The following CEP63 variants were observed in gnomAD, a reference collection of about 807,000 sequenced individuals.
CEP63 encodes centrosomal protein 63, also known as centrosomal protein of 63 kDa.
Under a neutral mutation model 89.1 loss-of-function variants are expected in CEP63, and 84 were observed. That is an observed-to-expected ratio of 0.94 (90% CI 0.79 to 1.13). The LOEUF (loss-of-function observed/expected upper bound fraction) is 1.13. Ranked by LOEUF, CEP63 falls within the 50% of genes most tolerant of loss-of-function variation. CEP63 has a pLI of 0.00. For missense variants in CEP63, 838 were observed against 813.3 expected (o/e 1.03, Z -0.37); for synonymous variants, 267 against 272.5 (o/e 0.98, Z 0.20).
At chr3:134,516,497 G>C (rs1946257910) in intron 3 of CEP63, among the ~76,000 whole-genome samples, 1 of 152,148 alleles carries the variant, frequency 6.6e-6, no homozygotes, top group Non-Finnish European at 1.5e-5. Flanking sequence ...TGTCGGGCTG[G>C]GGGACGGTCA....
chr3:134,685,050 G>A, the CEP63 span, among the ~76,000 whole-genome samples: 4 of 152,162 alleles, frequency 2.6e-5, no homozygotes, highest in Non-Finnish European at 4.4e-5. Context: ...TAGGCTGCAC[G>A]TGTTTCATAT....
At chr3:134,514,696 A>G (rs1945820667) in intron 3 of CEP63, among the ~76,000 whole-genome samples, 1 of 152,236 alleles carries the variant, frequency 6.6e-6, no homozygotes. Flanking sequence ...TATCCAGAAT[A>G]AAGGTAAAAT....
At chr3:134,628,036 TG>T in the CEP63 span, 4 of 593,786 alleles carry the variant, frequency 6.7e-6, no homozygotes, top group African/African-American at 7.4e-5. Flanking sequence ...AGGAAGTGGC[TG>T]ACAAGAAAGG....
At chr3:134,633,978 G>A in the CEP63 span, among the ~76,000 whole-genome samples, 1 of 152,060 alleles carries the variant, frequency 6.6e-6, no homozygotes. Context: ...AATTGGAGAT[G>A]GCATTTAAAA....
At chr3:134,522,366 G>A (rs904868080) in intron 3 of CEP63, among the ~76,000 whole-genome samples, 12 of 152,190 alleles carry the variant, frequency 7.9e-5, no homozygotes, top group African/African-American at 2.9e-4. Flanking sequence ...TCTTCTGGAT[G>A]TGGGTTCACA....
the CEP63 span, among the ~76,000 whole-genome samples, chr3:134,593,479 G>T: frequency 6.6e-6 from 1 of 152,108 alleles, no homozygotes; most frequent in East Asian, 1.9e-4. Context: ...GCAGAACTGG[G>T]GTTAGGAATC....
intron 2 of CEP63, among the ~76,000 whole-genome samples, chr3:134,504,112 T>C (rs1473787840): frequency 1.4e-5 from 2 of 143,810 alleles, no homozygotes; most frequent in African/African-American, 5.4e-5. Context: ...GGTCTCTCTC[T>C]CTTTTTTTTT....
chr3:134,659,816 G>A, the CEP63 span, among the ~76,000 whole-genome samples: 1 of 152,220 alleles, frequency 6.6e-6, no homozygotes, highest in South Asian at 2.1e-4. Flanking sequence ...CTGGCGGGAG[G>A]ATGTTGGTGT....
At chr3:134,544,120 C>T (rs1952661523) in intron 6 of CEP63, among the ~76,000 whole-genome samples, 1 of 152,084 alleles carries the variant, frequency 6.6e-6, no homozygotes, top group African/African-American at 2.4e-5. Context: ...GGATTTGGAC[C>T]TGTACTGTAA....
intron 1 of CEP63, among the ~76,000 whole-genome samples, chr3:134,494,305 G>A (rs917601498): frequency 2.2e-4 from 34 of 151,208 alleles, no homozygotes; most frequent in African/African-American, 6.1e-4. Context: ...TGGTAGAGGC[G>A]GAGTTTTACC....
intron 2 of CEP63, 115 bp from the exon 3 acceptor site, chr3:134,506,994 G>T: frequency 1.8e-4 from 92 of 503,306 alleles, no homozygotes; most frequent in East Asian, 2.7e-4. Flanking sequence ...TTACATTAAT[G>T]TCATTTAATT....
chr3:134,690,081 A>G, the CEP63 span, among the ~76,000 whole-genome samples: 5 of 152,216 alleles, frequency 3.3e-5, no homozygotes, highest in Non-Finnish European at 7.3e-5. Context: ...GACAATGCAT[A>G]GTTTTCTCGT....
rs765768691 is a variant in CEP63, at chr3:134,564,626, A to G, written c.*3091A>G. On this transcript the variant is annotated 3_prime_UTR_variant, in exon 15 of 15. Coordinates refer to ENST00000675561, the MANE Select transcript of CEP63 (RefSeq NM_001353108.3). The stretch of plus-strand genomic sequence containing the variant: ...TTCATTGTATTTATCAGTAAAACTG[A>G]AATAATATCTAATGGGGTCGAGAAG... 4.7e-5 allele frequency: 46 copies of G among 985,340 alleles called. No homozygotes were observed. The highest frequency in any genetic ancestry group is 8.7e-5 in the African/African-American group (5 of 57,258). The allele number at this position is 985,340 out of a possible 1,614,324, so 61.0% of individuals were successfully genotyped here.
the CEP63 span, among the ~76,000 whole-genome samples, chr3:134,740,671 G>C: frequency 2.3e-3 from 355 of 152,214 alleles, 1 homozygote; most frequent in African/African-American, 8.0e-3. Context: ...CTAGCAGCCT[G>C]AACATTCCCT....
Position 134,532,573 on chromosome 3 carries a change from A to T in CEP63, c.319-205A>T, listed in dbSNP as rs540189293. Reference sequence around the variant, plus strand: ...AAAACTTTTGTTTAAAATTTTTTTTAAAATTTTTTCTTTGAATATATTTCT... The same window carrying T: ...AAAACTTTTGTTTAAAATTTTTTTTTAAATTTTTTCTTTGAATATATTTCT... On this transcript the variant is annotated intron_variant, in intron 4 of 14. Coordinates refer to ENST00000675561, the MANE Select transcript of CEP63 (RefSeq NM_001353108.3). Among the ~76,000 whole-genome samples, 55 of 152,276 alleles carry T rather than the reference A, an allele frequency of 3.6e-4. No homozygotes were observed. In the East Asian group the frequency reaches 4.6e-3, roughly 13 times the overall value.
chr3:134,704,003 C>G, the CEP63 span, among the ~76,000 whole-genome samples: 2 of 152,118 alleles, frequency 1.3e-5, no homozygotes, highest in African/African-American at 2.4e-5. Context: ...ACTCATGGCT[C>G]TTTGTGATCT....
chr3:134,717,809 A>G, the CEP63 span, among the ~76,000 whole-genome samples: 1 of 152,200 alleles, frequency 6.6e-6, no homozygotes, highest in Non-Finnish European at 1.5e-5. Flanking sequence ...AAGCAAGATG[A>G]TCTAAGATTT....
chr3:134,723,922 A>G, the CEP63 span, among the ~76,000 whole-genome samples: 313 of 152,304 alleles, frequency 2.1e-3, no homozygotes, highest in Admixed American at 4.2e-3. Context: ...CACTACAATA[A>G]TTGACAACCA....
chr3:134,755,352 G>T, the CEP63 span, among the ~76,000 whole-genome samples: 2 of 152,174 alleles, frequency 1.3e-5, no homozygotes, highest in Non-Finnish European at 2.9e-5. Flanking sequence ...GTCTGTGAAT[G>T]GCGCCACAGC....
Sources: gnomAD v4.1 joint callset for allele counts (sites outside exome capture counted in the v4.1 genomes callset) on GRCh38, gnomAD v4.1.1 for gene constraint, MANE v1.5 for transcripts, NCBI Gene and HGNC (gene_info 2026-07-23, HGNC 2026-07-21) for gene names.